ZC3H18: variants seen among roughly 807,000 people sequenced by gnomAD.
ZC3H18 encodes zinc finger CCCH domain-containing protein 18.
ZC3H18 carries 8 observed loss-of-function variants against 106.1 expected under a neutral mutation model. That is an observed-to-expected ratio of 0.08 (90% CI 0.04 to 0.14). ZC3H18 has a LOEUF of 0.14. Among genes scored for constraint, ZC3H18 ranks in the 10% least tolerant of loss-of-function variants. ZC3H18 has a pLI of 1.00. For synonymous variants in ZC3H18, 635 were observed against 522.1 expected (o/e 1.22, Z -2.95); for missense variants, 1,318 against 1,278.4 (o/e 1.03, Z -0.47).
At position 88,631,599 on chromosome 16, in the gene ZC3H18, G is replaced by A. The variant is rs971213455; in HGVS notation, c.*300G>A. 1.4e-5 allele frequency: 7 copies of A among 498,994 alleles called. No individual in the cohort carries two copies. Among genetic ancestry groups the A allele is most frequent in the South Asian group, 3.1e-5 (2 of 64,920 alleles). 30.9% of individuals were successfully genotyped at this position (498,994 alleles called of 1,614,324 possible). ...CCCCGCCTTCTCTTCCTCCTCCTCC[G>A]TCTTCTTCCCTGGCCCTGGTCAGGC... On this transcript the variant is annotated 3_prime_UTR_variant, in exon 18 of 18. Transcript: ENST00000301011.
Position 88,598,725 on chromosome 16 carries a change from C to A in ZC3H18, c.930+13C>A. 6.2e-7 allele frequency: 1 copy of A among 1,604,076 alleles called. No individual in the cohort carries two copies. The highest frequency in any genetic ancestry group is 8.5e-7 in the Non-Finnish European group (1 of 1,174,160). On this transcript the variant is annotated intron_variant, in intron 5 of 17. Transcript: ENST00000301011. ...GCATGCAAAGGAGGTAAACACAATT[C>A]AGCAGAAATCCCGACAAGAAAGATG...
chr16:88,623,683 A>G lies in ZC3H18; in HGVS notation c.1794-275A>G, dbSNP rs570227098. 3 of 574,876 alleles carry G rather than the reference A, an allele frequency of 5.2e-6. No individual in the cohort carries two copies. The East Asian group carries it at 9.3e-5, about 18-fold the overall frequency. 35.6% of individuals were successfully genotyped at this position (574,876 alleles called of 1,614,324 possible). ...GGAGCTGTGCTGCTGCCCCACTGCC[A>G]AGGAGCCTGTCTCCTCCTGTCCTGC... On this transcript the variant is annotated intron_variant, in intron 10 of 17. Transcript: ENST00000301011.
At chr16:88,617,004 G>A (rs952338705) in intron 8 of ZC3H18, among the ~76,000 whole-genome samples, 28 of 152,112 alleles carry the variant, frequency 1.8e-4, no homozygotes, top group East Asian at 3.9e-4. Context: ...AGCGAGAGTC[G>A]GCCACTGTTT....
intron 6 of ZC3H18, 125 bp from the exon 7 acceptor site, chr16:88,608,809 C>A: frequency 5.7e-6 from 4 of 705,526 alleles, no homozygotes; most frequent in Admixed American, 2.6e-5. Context: ...TTGAGCCAAC[C>A]TTGCGCTCCT....
chr16:88,598,953 A>C (rs958935754), intron 5 of ZC3H18, among the ~76,000 whole-genome samples: 11 of 152,134 alleles, frequency 7.2e-5, no homozygotes, highest in Non-Finnish European at 2.9e-5. Context: ...TCCGCCTCCC[A>C]GGTTCATGTG....
rs761099450 is a variant in ZC3H18, at chr16:88,624,736, C to T, written c.2033C>T (p.Pro678Leu). The change falls in exon 12 of 18, where the codon CCC (proline) becomes CTC (leucine). Residue 678 changes from proline (P) to leucine (L), a missense_variant. Pro to Leu is a moderately conservative substitution (Grantham distance 98). Around this residue, in one of 6 missense-constraint regions of ZC3H18, gnomAD observed 848 missense variants for 821.7 expected, o/e 1.03. Transcript: ENST00000301011. The part of the protein sequence containing the change: ...ARRKERPART[P>L]PRRRTLSGSG... ...AGGAAGGAGCGGCCAGCCAGGACCC[C>T]CCCCAGGAGGTGAGCACTCCGGCGT... 5 of 1,612,364 alleles carry T rather than the reference C, an allele frequency of 3.1e-6. No homozygotes were observed. Among genetic ancestry groups the T allele is most frequent in the Admixed American group, 1.7e-5 (1 of 59,924 alleles).
chr16:88,578,584 C>T (rs1238460973), intron 2 of ZC3H18, among the ~76,000 whole-genome samples: 1 of 151,756 alleles, frequency 6.6e-6, no homozygotes, highest in East Asian at 1.9e-4. Context: ...TATGGGGAGT[C>T]ATTGCGGTGA....
At chr16:88,622,929 A>T (rs1906056096) in intron 9 of ZC3H18, 1 of 451,920 alleles carries the variant, frequency 2.2e-6, no homozygotes, top group South Asian at 2.3e-5. Context: ...GACCCACGTG[A>T]GCTGGGTCTG....
chr16:88,630,374 G>C (rs1212923266), intron 16 of ZC3H18, 111 bp from the exon 17 acceptor site: 1 of 747,252 alleles, frequency 1.3e-6, no homozygotes, highest in East Asian at 2.8e-5. Context: ...TGAAGGTGGT[G>C]AACTAAGCAG....
rs1394006235 is a variant in ZC3H18, at chr16:88,624,624, G to T, written c.1921G>T (p.Ala641Ser). ...KAGEKSVKKP[A>S]PPPAPPQATK... ...CAGAGAGAAGTCAGTGAAGAAGCCG[G>T]CCCCGCCTCCAGCCCCACCACAGGC... The change falls in exon 12 of 18, where the codon GCC becomes TCC. Residue 641 changes from alanine to serine, a missense_variant. Ala to Ser is a moderately conservative substitution (Grantham distance 99, BLOSUM62 1). Coordinates refer to ENST00000301011, the MANE Select transcript of ZC3H18 (RefSeq NM_144604.4). The T allele has an allele frequency of 6.2e-7, 1 of 1,613,618 alleles. No homozygotes were observed. Among genetic ancestry groups the T allele is most frequent in the Non-Finnish European group, 8.5e-7 (1 of 1,179,956 alleles).
At chr16:88,623,429 T>C in intron 10 of ZC3H18, 85 bp downstream of exon 10, 1 of 1,543,700 alleles carries the variant, frequency 6.5e-7, no homozygotes, top group South Asian at 1.2e-5. Flanking sequence ...GTGGCGCCAG[T>C]AGCCCCTTGG....
rs1914853844 is a variant in ZC3H18, at chr16:88,577,739, G to A, written c.603+13G>A. 1.2e-6 allele frequency: 2 copies of A among 1,612,860 alleles called. No individual in the cohort carries two copies. Among genetic ancestry groups the A allele is most frequent in the East Asian group, 4.5e-5 (2 of 44,874 alleles). ...TGGGGAAATAGACGTGAGTATGATG[G>A]AGCAGAGCGTCGCGGGGCATCCTGC... On this transcript the variant is annotated intron_variant, in intron 2 of 17. Transcript: ENST00000301011.
At chr16:88,591,216 C>T (rs1915732505) in intron 3 of ZC3H18, among the ~76,000 whole-genome samples, 1 of 151,992 alleles carries the variant, frequency 6.6e-6, no homozygotes, top group Non-Finnish European at 1.5e-5. Flanking sequence ...GTGATCTGCC[C>T]TCCTCGGCCT....
At chr16:88,578,451 C>G (rs62050299) in intron 2 of ZC3H18, among the ~76,000 whole-genome samples, 2,286 of 152,086 alleles carry the variant, frequency 0.015, 31 homozygotes, top group Non-Finnish European at 0.023. Context: ...CCCCAAAGTC[C>G]TCCTGAGTGA....
chr16:88,580,165 T>C (rs1597321349), intron 2 of ZC3H18, among the ~76,000 whole-genome samples: 1 of 45,084 alleles, frequency 2.2e-5, no homozygotes, highest in South Asian at 5.9e-4. Context: ...TCTGTGTGTG[T>C]GTGTGTGTGT....
chr16:88,578,312 G>A (rs1487267128), intron 2 of ZC3H18, among the ~76,000 whole-genome samples: 15 of 152,274 alleles, frequency 9.9e-5, no homozygotes, highest in Non-Finnish European at 1.5e-5. Flanking sequence ...ACACTTTTTT[G>A]TACATTAAAT....
chr16:88,630,744 G>GCCCTA lies in ZC3H18; in HGVS notation c.2663+166_2663+167insTACCC, dbSNP rs1257539077. Among the ~76,000 whole-genome samples, 95 of 76,466 alleles carry GCCCTA rather than the reference G, an allele frequency of 1.2e-3. 11 individuals are homozygous for GCCCTA. The highest frequency in any genetic ancestry group is 3.2e-3 in the Admixed American group (20 of 6,212). The allele number at this position is 76,466 out of a possible 152,430, so 50.2% of individuals were successfully genotyped here. On this transcript the variant is annotated intron_variant, in intron 17 of 17. Transcript: ENST00000301011. ...TGAGGGGCATGGACAGCGAATTGCA[G>GCCCTA]CCCCACCCCCCACCCCCCCCCACAC...
intron 8 of ZC3H18, among the ~76,000 whole-genome samples, chr16:88,619,329 C>T (rs962018211): frequency 6.6e-6 from 1 of 152,208 alleles, no homozygotes; most frequent in Non-Finnish European, 1.5e-5. Flanking sequence ...AAATCAGTAC[C>T]ACCACGTCCC....
chr16:88,630,250 G>T (rs1456490482), intron 16 of ZC3H18: 2 of 511,090 alleles, frequency 3.9e-6, no homozygotes, highest in Non-Finnish European at 3.5e-6. Context: ...TGAGATATTG[G>T]CTGCTTGCTG....
Sources: allele counts gnomAD v4.1 joint callset (sites outside exome capture counted in the v4.1 genomes callset), GRCh38; gene constraint gnomAD v4.1.1; regional missense constraint gnomAD v4.1.1; transcripts MANE v1.5; gene names NCBI Gene and HGNC (gene_info 2026-07-23, HGNC 2026-07-21).